The following PLCL2 variants were observed in gnomAD, a reference collection of about 807,000 sequenced individuals.
PLCL2 encodes phospholipase C like 2.
PLCL2 carries 4 observed loss-of-function variants against 79.6 expected under a neutral mutation model. The ratio of observed to expected loss-of-function variants is 0.05; its 90% CI spans 0.02 to 0.11. The LOEUF is 0.11. Among genes scored for constraint, PLCL2 ranks in the 10% least tolerant of loss-of-function variants. PLCL2 has a pLI of 1.00. For missense variants in PLCL2, 895 were observed against 1,291.0 expected, an observed-to-expected ratio of 0.69 and a Z score of 4.70; for synonymous variants, 484 against 457.7, an observed-to-expected ratio of 1.06 and a Z score of -0.73.
At chr3:17,039,380 C>T (rs1157758138) in intron 3 of PLCL2, among the ~76,000 whole-genome samples, 1 of 152,202 alleles carries the variant, frequency 6.6e-6, no homozygotes, top group Non-Finnish European at 1.5e-5. Flanking sequence ...CCTGGTGTTG[C>T]TATAGGAGCC....
chr3:16,962,594 TG>T (rs2063765153), intron 1 of PLCL2, among the ~76,000 whole-genome samples: 1 of 152,206 alleles, frequency 6.6e-6, no homozygotes, highest in African/African-American at 2.4e-5. Flanking sequence ...TATCCTGCCC[TG>T]TGGCATTGTC....
At chr3:16,898,378 C>T (rs1252309254) in intron 1 of PLCL2, among the ~76,000 whole-genome samples, 2 of 151,874 alleles carry the variant, frequency 1.3e-5, no homozygotes, top group Non-Finnish European at 1.5e-5. Context: ...TTTCCTACAG[C>T]ATAATTAGCC....
intron 4 of PLCL2, among the ~76,000 whole-genome samples, chr3:17,043,693 A>G (rs1234546500): frequency 6.6e-6 from 1 of 152,002 alleles, no homozygotes; most frequent in Non-Finnish European, 1.5e-5. Context: ...CCAAGAAACT[A>G]TATTGCCTAC....
intron 1 of PLCL2, among the ~76,000 whole-genome samples, chr3:16,994,969 G>A (rs2064139301): frequency 6.6e-6 from 1 of 152,246 alleles, no homozygotes; most frequent in Admixed American, 6.5e-5. Context: ...CTGAATTAGA[G>A]TGTCCAAAGG....
intron 4 of PLCL2, among the ~76,000 whole-genome samples, chr3:17,065,822 G>C (rs1219030625): frequency 6.6e-6 from 1 of 152,072 alleles, no homozygotes; most frequent in Non-Finnish European, 1.5e-5. Context: ...CATATTTCTT[G>C]TTTGTAGAGA....
chr3:16,944,014 G>A (rs1483672874), intron 1 of PLCL2, among the ~76,000 whole-genome samples: 2 of 152,152 alleles, frequency 1.3e-5, no homozygotes, highest in Non-Finnish European at 2.9e-5. Flanking sequence ...TGGGAGAAGT[G>A]GAATAGGCAA....
rs74395335 is a variant in PLCL2, at chr3:16,889,915, A to T, written c.327+4549A>T. 9.8e-3 allele frequency among the ~76,000 whole-genome samples: 1,498 copies of T among 152,328 alleles called. 26 individuals are homozygous for T. The highest frequency in any genetic ancestry group is 0.034 in the African/African-American group (1,426 of 41,562). ...GAAACAAAGATACCGCATGCCCAGC[A>T]AACCTGTGGGCACATCATAAATAAT... On this transcript the variant is annotated intron_variant, in intron 1 of 5. Coordinates refer to ENST00000615277, the MANE Select transcript of PLCL2 (RefSeq NM_001144382.2).
intron 1 of PLCL2, among the ~76,000 whole-genome samples, chr3:16,913,699 G>A (rs1009606115): frequency 2.0e-5 from 3 of 151,976 alleles, no homozygotes; most frequent in African/African-American, 4.8e-5. Context: ...ATATATTTAT[G>A]TATGTGTATA....
At chr3:17,040,904 G>A (rs965751901) in intron 3 of PLCL2, among the ~76,000 whole-genome samples, 7 of 152,014 alleles carry the variant, frequency 4.6e-5, no homozygotes, top group African/African-American at 1.7e-4. Flanking sequence ...TTTAATGACT[G>A]GGTTCATTTC....
intron 1 of PLCL2, among the ~76,000 whole-genome samples, chr3:16,954,872 T>A (rs1039635902): frequency 1.3e-5 from 2 of 152,094 alleles, no homozygotes; most frequent in Non-Finnish European, 2.9e-5. Context: ...TTTGATGGGG[T>A]TGTTTGTATT....
intron 3 of PLCL2, among the ~76,000 whole-genome samples, chr3:17,040,556 A>G (rs991418068): frequency 2.6e-5 from 4 of 152,172 alleles, no homozygotes; most frequent in Admixed American, 2.0e-4. Flanking sequence ...GGCCTCCTGG[A>G]TAAATGGGGA....
chr3:17,014,469 A>G lies in PLCL2; in HGVS notation c.2815-239A>G, dbSNP rs141032414. 2.7e-3 allele frequency among the ~76,000 whole-genome samples: 418 copies of G among 152,266 alleles called. 5 individuals are homozygous for G. Among genetic ancestry groups the G allele is most frequent in the African/African-American group, 9.6e-3 (397 of 41,558 alleles). ...AAGCCTTGCCCTTCAGAAGAATTTG[A>G]CTTATTTGCATTTTCAGTACTTTTG... is the stretch of plus-strand genomic sequence containing the variant. On this transcript the variant is annotated intron_variant, in intron 2 of 5. Coordinates refer to ENST00000615277, the MANE Select transcript of PLCL2 (RefSeq NM_001144382.2).
chr3:16,968,909 T>C (rs4685410), intron 1 of PLCL2, among the ~76,000 whole-genome samples: 16,963 of 152,210 alleles, frequency 0.11, 1,570 homozygotes, highest in East Asian at 0.48. Context: ...GTTATTATTT[T>C]GAGGTATATT....
chr3:17,076,650 G>A lies in PLCL2; in HGVS notation c.3204+8585G>A, dbSNP rs557545592. 8.5e-5 allele frequency among the ~76,000 whole-genome samples: 13 copies of A among 152,068 alleles called. No individual in the cohort carries two copies. In the South Asian group the frequency reaches 1.0e-3, roughly 12 times the overall value. On this transcript the variant is annotated intron_variant, in intron 5 of 5. Transcript: ENST00000615277. The stretch of plus-strand genomic sequence containing the variant: ...CCTGAGTAGCTGGGACCACAGGCAC[G>A]TGCTACCATGCCTGGATAATTTGTA...
intron 1 of PLCL2, among the ~76,000 whole-genome samples, chr3:16,998,746 T>A (rs2064178671): frequency 6.6e-6 from 1 of 152,220 alleles, no homozygotes; most frequent in Non-Finnish European, 1.5e-5. Flanking sequence ...AGTGTTGTTG[T>A]GAAAGCAGTA....
At chr3:16,991,601 T>C (rs1256253870) in intron 1 of PLCL2, among the ~76,000 whole-genome samples, 1 of 152,196 alleles carries the variant, frequency 6.6e-6, no homozygotes, top group Non-Finnish European at 1.5e-5. Context: ...TCTGGAAGTA[T>C]GGGGTAGTGG....
intron 4 of PLCL2, among the ~76,000 whole-genome samples, chr3:17,054,691 A>G (rs544755951): frequency 1.3e-5 from 2 of 152,270 alleles, no homozygotes; most frequent in South Asian, 2.1e-4. Context: ...TGCTACCCCC[A>G]TGATCCAATT....
chr3:17,088,555 T>G (rs1319048689), intron 5 of PLCL2, among the ~76,000 whole-genome samples: 1 of 151,512 alleles, frequency 6.6e-6, no homozygotes, highest in Non-Finnish European at 1.5e-5. Context: ...AAAGTAGGAG[T>G]GTTGGAATTT....
chr3:16,975,590 C>T (rs1336916768), intron 1 of PLCL2, among the ~76,000 whole-genome samples: 1 of 152,068 alleles, frequency 6.6e-6, no homozygotes, highest in Non-Finnish European at 1.5e-5. Context: ...GCTTCTAGGT[C>T]ATGGTGATGC....
Sources: allele counts gnomAD v4.1 joint callset (sites outside exome capture counted in the v4.1 genomes callset), GRCh38; gene constraint gnomAD v4.1.1; transcripts MANE v1.5; gene names NCBI Gene and HGNC (gene_info 2026-07-23, HGNC 2026-07-21).